KLHL1: variants seen among roughly 807,000 people sequenced by gnomAD.
The protein encoded by KLHL1 is kelch-like protein 1.
A neutral mutation model predicts 77.7 loss-of-function variants in KLHL1; 47 were observed. That is an observed-to-expected ratio of 0.60 (90% CI 0.48 to 0.77). The LOEUF (loss-of-function observed/expected upper bound fraction) is 0.77, where lower values mean the gene tolerates loss of function less well. Among genes scored for constraint, KLHL1 ranks in the 30% least tolerant of loss-of-function variants. The pLI, the probability that KLHL1 is intolerant of heterozygous loss-of-function variation, is 0.00. For synonymous variants in KLHL1, 360 were observed against 325.2 expected, an observed-to-expected ratio of 1.11 and a Z score of -1.15; for missense variants, 925 against 910.8, an observed-to-expected ratio of 1.02 and a Z score of -0.20.
At chr13:69,810,472 A>AT (rs932019074) in intron 6 of KLHL1, among the ~76,000 whole-genome samples, 3 of 152,112 alleles carry the variant, frequency 2.0e-5, no homozygotes, top group African/African-American at 7.2e-5. Context: ...GTAGAAATTA[A>AT]TTTTTTAAAA....
chr13:69,882,658 G>A (rs965702455), intron 4 of KLHL1, among the ~76,000 whole-genome samples, 163 bp from the exon 5 acceptor site: 3 of 152,276 alleles, frequency 2.0e-5, no homozygotes, highest in Middle Eastern at 3.4e-3. Context: ...TGAAAGCATT[G>A]TAATTGTCAT....
chr13:70,084,550 C>CCGGGTTCA (rs1887477833), intron 1 of KLHL1, among the ~76,000 whole-genome samples: 1 of 136,654 alleles, frequency 7.3e-6, no homozygotes, highest in African/African-American at 2.7e-5. Context: ...GCTCCACCTT[C>CCGGGTTCA]CGGGTTCACG....
intron 7 of KLHL1, among the ~76,000 whole-genome samples, chr13:69,763,930 AT>A (rs200204787): frequency 9.9e-5 from 15 of 151,480 alleles, no homozygotes; most frequent in African/African-American, 1.7e-4. Flanking sequence ...TGAAGTAACC[AT>A]TTTTTTTTCT....
chr13:69,973,526 A>G (rs1593639801), intron 2 of KLHL1, among the ~76,000 whole-genome samples: 2 of 151,696 alleles, frequency 1.3e-5, no homozygotes, highest in Admixed American at 1.3e-4. Flanking sequence ...CCAACACCAC[A>G]TACATTTTGC....
chr13:69,834,611 T>G (rs776080707), intron 6 of KLHL1, among the ~76,000 whole-genome samples: 1 of 152,148 alleles, frequency 6.6e-6, no homozygotes, highest in Non-Finnish European at 1.5e-5. Context: ...ATCAGTTAAA[T>G]TACTTGCAAT....
At chr13:69,971,608 C>T (rs1884382367) in intron 2 of KLHL1, among the ~76,000 whole-genome samples, 1 of 151,944 alleles carries the variant, frequency 6.6e-6, no homozygotes, top group Non-Finnish European at 1.5e-5. Context: ...AGGCTTACCT[C>T]ACACTCAATT....
intron 4 of KLHL1, among the ~76,000 whole-genome samples, chr13:69,884,913 C>T (rs1455461197): frequency 1.3e-5 from 2 of 149,258 alleles, no homozygotes; most frequent in Non-Finnish European, 3.0e-5. Context: ...GTTTTAATAC[C>T]ACTACAGCAC....
rs543232810 is a variant in KLHL1, at chr13:69,787,362, T to C, written c.1639+9376A>G. Among the ~76,000 whole-genome samples, 508 of 152,274 alleles carry C rather than the reference T, an allele frequency of 3.3e-3. 2 individuals are homozygous for C. Among genetic ancestry groups the C allele is most frequent in the Non-Finnish European group, 5.0e-3 (343 of 68,022 alleles). ...GCCCTCAGAAATAATGCCGCATGTC[T>C]ACAACCATCTGATCTTCAATAAACC... On this transcript the variant is annotated intron_variant, in intron 7 of 10. Transcript: ENST00000377844.
chr13:69,786,030 A>G (rs1218313959), intron 7 of KLHL1, among the ~76,000 whole-genome samples: 6 of 152,222 alleles, frequency 3.9e-5, no homozygotes, highest in South Asian at 2.1e-4. Flanking sequence ...TTACCCCCCA[A>G]AAAGAGTCCA....
intron 1 of KLHL1, among the ~76,000 whole-genome samples, chr13:69,999,747 C>A (rs1231649954): frequency 1.3e-5 from 2 of 152,008 alleles, no homozygotes; most frequent in African/African-American, 4.8e-5. Flanking sequence ...CTCACCCTAG[C>A]AGGTAAGCAT....
intron 7 of KLHL1, among the ~76,000 whole-genome samples, chr13:69,743,286 AATTG>A (rs1482649949): frequency 6.6e-6 from 1 of 152,158 alleles, no homozygotes; most frequent in African/African-American, 2.4e-5. Context: ...TTTTGTAGCA[AATTG>A]ATTGGAGTCA....
At chr13:70,051,604 T>C (rs186199570) in intron 1 of KLHL1, among the ~76,000 whole-genome samples, 1 of 152,172 alleles carries the variant, frequency 6.6e-6, no homozygotes, top group East Asian at 1.9e-4. Context: ...AACACTGATA[T>C]TGTCTAAAGG....
chr13:69,902,582 AATG>A (rs1397998557), intron 4 of KLHL1, among the ~76,000 whole-genome samples: 1 of 152,158 alleles, frequency 6.6e-6, no homozygotes, highest in Non-Finnish European at 1.5e-5. Flanking sequence ...AACTACAAAA[AATG>A]ATGAGTTCAT....
intron 1 of KLHL1, among the ~76,000 whole-genome samples, chr13:70,065,434 T>A (rs142305899): frequency 6.6e-6 from 1 of 152,036 alleles, no homozygotes; most frequent in Non-Finnish European, 1.5e-5. Flanking sequence ...GAAAGCACAA[T>A]AGAGTGGGGA....
At chr13:70,026,838 G>A (rs1473963698) in intron 1 of KLHL1, among the ~76,000 whole-genome samples, 2 of 147,622 alleles carry the variant, frequency 1.4e-5, no homozygotes, top group East Asian at 4.6e-4. Flanking sequence ...AGTGAAAAGG[G>A]AAAACAAAGT....
intron 5 of KLHL1, among the ~76,000 whole-genome samples, chr13:69,843,062 G>A (rs1248457920): frequency 6.6e-6 from 1 of 151,538 alleles, no homozygotes; most frequent in Non-Finnish European, 1.5e-5. Context: ...TGGAGAACAA[G>A]GAAGCAAACT....
intron 6 of KLHL1, among the ~76,000 whole-genome samples, chr13:69,821,886 G>T (rs1878351627): frequency 6.6e-6 from 1 of 151,962 alleles, no homozygotes; most frequent in South Asian, 2.1e-4. Flanking sequence ...GATTTTTATA[G>T]TTTTGTTCAC....
intron 1 of KLHL1, among the ~76,000 whole-genome samples, chr13:70,054,814 T>A (rs1195531683): frequency 1.3e-4 from 1 of 7,754 alleles, no homozygotes; most frequent in African/African-American, 1.7e-4. Flanking sequence ...ACAGTAAAAT[T>A]GATCAAGCAT....
At chr13:70,070,143 A>G (rs1318578506) in intron 1 of KLHL1, among the ~76,000 whole-genome samples, 1 of 146,436 alleles carries the variant, frequency 6.8e-6, no homozygotes, top group Non-Finnish European at 1.5e-5. Context: ...ACAGAGTGAG[A>G]CTCGTCTCGA....
Sources: allele counts gnomAD v4.1 joint callset (sites outside exome capture counted in the v4.1 genomes callset), GRCh38; gene constraint gnomAD v4.1.1; transcripts MANE v1.5; gene names NCBI Gene and HGNC (gene_info 2026-07-23, HGNC 2026-07-21).